Variants in ZNF69 observed in about 807,000 individuals in gnomAD.
ZNF69 encodes ZNF3.
In ZNF69, 47 loss-of-function variants were observed where a neutral mutation model predicts 50.9. The ratio of observed to expected loss-of-function variants is 0.92; its 90% CI spans 0.73 to 1.18. The LOEUF (loss-of-function observed/expected upper bound fraction) is 1.18, where lower values mean the gene tolerates loss of function less well. ZNF69 is among the 50% of genes most tolerant of loss of function. ZNF69 has a pLI of 0.00. For missense variants in ZNF69, 717 were observed against 675.1 expected, an observed-to-expected ratio of 1.06 and a Z score of -0.69; for synonymous variants, 216 against 223.1, an observed-to-expected ratio of 0.97 and a Z score of 0.29.
At chr19:11,953,907 C>CTA in the ZNF69 span, among the ~76,000 whole-genome samples, 12,432 of 152,182 alleles carry the variant, frequency 0.082, 1,287 homozygotes, top group African/African-American at 0.24. Flanking sequence ...TAATATTACT[C>CTA]TGTGTTGATG....
the ZNF69 span, among the ~76,000 whole-genome samples, chr19:11,963,088 A>AGAGAGAGAGAGAGAGT: frequency 1.0e-3 from 140 of 138,306 alleles, 1 homozygote; most frequent in African/African-American, 2.9e-3. Flanking sequence ...AGAGAGAGAG[A>AGAGAGAGAGAGAGAGT]GTGTGTGTGT....
chr19:11,963,999 T>C, the ZNF69 span, among the ~76,000 whole-genome samples: 82 of 152,196 alleles, frequency 5.4e-4, no homozygotes, highest in African/African-American at 1.8e-3. Context: ...AGAGCAGGGG[T>C]TTGAGGGTGT....
the ZNF69 span, among the ~76,000 whole-genome samples, chr19:11,936,137 T>A: frequency 6.6e-6 from 1 of 152,324 alleles, no homozygotes; most frequent in Admixed American, 6.5e-5. Context: ...TTCCAAGTCT[T>A]TGCTATTGTG....
rs1184017533 is a variant in ZNF69, at chr19:11,906,199, G to C, written c.*101G>C. 4 of 1,540,174 alleles carry C rather than the reference G, an allele frequency of 2.6e-6. No homozygotes were observed. The highest frequency in any genetic ancestry group is 3.5e-6 in the Non-Finnish European group (4 of 1,151,338). On this transcript the variant is annotated 3_prime_UTR_variant, in exon 4 of 4. Transcript: ENST00000429654. ...AGAATGTGGGAAACCCTTCAGGTCT[G>C]CCCAGAACCTTCGAATTCAGTAAAG...
intron 1 of ZNF69, among the ~76,000 whole-genome samples, chr19:11,901,638 C>T (rs543956020): frequency 1.0e-3 from 156 of 152,188 alleles, no homozygotes; most frequent in African/African-American, 3.6e-3. Flanking sequence ...GCATGTGCCA[C>T]CATGCCTGGC....
chr19:11,915,468 G>C (rs1243689603), downstream of ZNF69, among the ~76,000 whole-genome samples: 1 of 152,210 alleles, frequency 6.6e-6, no homozygotes, highest in East Asian at 1.9e-4. Context: ...GTGTCTTGAT[G>C]CTTCACAAAG....
At chr19:11,977,518 G>A in the ZNF69 span, 1 of 1,476,064 alleles carries the variant, frequency 6.8e-7, no homozygotes, top group South Asian at 1.2e-5. Context: ...AAAGAACTAA[G>A]TCCAGTATCA....
At chr19:11,959,202 G>C in the ZNF69 span, among the ~76,000 whole-genome samples, 1 of 152,126 alleles carries the variant, frequency 6.6e-6, no homozygotes. Flanking sequence ...TGAGAATTTT[G>C]TTTTATGATT....
the ZNF69 span, among the ~76,000 whole-genome samples, chr19:11,952,573 G>A: frequency 3.3e-5 from 5 of 152,188 alleles, no homozygotes; most frequent in African/African-American, 9.7e-5. Flanking sequence ...TACCAATGAA[G>A]CTGCTCTTCA....
chr19:11,953,061 G>GC, the ZNF69 span: 2 of 152,144 alleles, frequency 1.3e-5, no homozygotes, highest in Non-Finnish European at 2.9e-5. Context: ...GATCAACAGA[G>GC]CGAGACTCCA....
chr19:11,973,053 A>G, the ZNF69 span, among the ~76,000 whole-genome samples: 1 of 152,356 alleles, frequency 6.6e-6, no homozygotes, highest in East Asian at 1.9e-4. Flanking sequence ...CCTAAAGTCC[A>G]TCTTTTACAT....
chr19:11,931,283 C>T, the ZNF69 span, among the ~76,000 whole-genome samples: 8 of 147,792 alleles, frequency 5.4e-5, no homozygotes, highest in South Asian at 2.1e-4. Context: ...AGCAAGGGCC[C>T]GCTTCCTGGT....
At chr19:11,911,285 C>G (rs1400979885), downstream of ZNF69, among the ~76,000 whole-genome samples, 6 of 152,036 alleles carry the variant, frequency 3.9e-5, no homozygotes, top group Non-Finnish European at 7.4e-5. Flanking sequence ...AGAATCTAGA[C>G]CTAGAAATAC....
At position 11,905,247 on chromosome 19, in the gene ZNF69, G is replaced by T. The variant is rs1205782551; in HGVS notation, c.850G>T (p.Ala284Ser). ...TTATGAATGTCAGCAATGTGGGAAAGCATTTCATAGTCCCAGATGCTATCG... is the reference window on the plus strand; with the variant it reads ...TTATGAATGTCAGCAATGTGGGAAATCATTTCATAGTCCCAGATGCTATCG... Reference protein sequence around the residue: ...KPYECQQCGKAFHSPRCYRRH... With the variant: ...KPYECQQCGKSFHSPRCYRRH... Residue 284 changes from alanine (A) to serine (S), a missense_variant, in exon 4 of 4, where the codon GCA (alanine) becomes TCA (serine). Coordinates refer to ENST00000429654, the MANE Select transcript of ZNF69 (RefSeq NM_001364730.1). The T allele has an allele frequency of 6.2e-7, 1 of 1,614,124 alleles. No homozygotes were observed. Among genetic ancestry groups the T allele is most frequent in the Non-Finnish European group, 8.5e-7 (1 of 1,180,024 alleles).
chr19:11,955,809 G>A, the ZNF69 span, among the ~76,000 whole-genome samples: 1 of 152,106 alleles, frequency 6.6e-6, no homozygotes, highest in Non-Finnish European at 1.5e-5. Flanking sequence ...TTCTCTTCCT[G>A]TTATCTGTGG....
the ZNF69 span, among the ~76,000 whole-genome samples, chr19:11,941,754 G>A: frequency 6.6e-6 from 1 of 152,242 alleles, no homozygotes. Flanking sequence ...CAGTGCAGCA[G>A]TGGGCTGAAG....
chr19:11,953,935 A>G, the ZNF69 span, among the ~76,000 whole-genome samples: 1 of 152,220 alleles, frequency 6.6e-6, no homozygotes. Flanking sequence ...ATTATTAAAT[A>G]TGAACAGCAT....
chr19:11,891,496 C>T (rs1419664653), intron 1 of ZNF69, among the ~76,000 whole-genome samples: 5 of 151,920 alleles, frequency 3.3e-5, no homozygotes, highest in African/African-American at 9.7e-5. Context: ...AGTAGGGCAT[C>T]CTCATAAAGC....
intron 1 of ZNF69, among the ~76,000 whole-genome samples, chr19:11,895,051 C>T (rs944241113): frequency 2.0e-5 from 3 of 152,182 alleles, no homozygotes; most frequent in Admixed American, 6.5e-5. Flanking sequence ...ATAGGGTGAC[C>T]TGTGCTGACA....
Sources: allele counts gnomAD v4.1 joint callset (sites outside exome capture counted in the v4.1 genomes callset), GRCh38; gene constraint gnomAD v4.1.1; transcripts MANE v1.5; gene names NCBI Gene and HGNC (gene_info 2026-07-23, HGNC 2026-07-21).